The following GPR39 variants were observed in gnomAD, a reference collection of about 807,000 sequenced individuals.
GPR39 encodes the protein G protein-coupled receptor 39.
Under a neutral mutation model 18.4 loss-of-function variants are expected in GPR39, and 23 were observed. The ratio of observed to expected loss-of-function variants is 1.25; its 90% confidence interval spans 0.90 to 1.77. GPR39 has a LOEUF of 1.77. GPR39 is among the 40% of genes most tolerant of loss of function. The probability of loss-of-function intolerance (pLI) is 0.00; values close to 1 mark genes in which losing one functional copy is unlikely to be tolerated. For synonymous variants in GPR39, 280 were observed against 257.9 expected (o/e 1.09, Z -0.82); for missense variants, 647 against 602.4 (o/e 1.07, Z -0.78).
intron 1 of GPR39, among the ~76,000 whole-genome samples, chr2:132,559,685 C>T (rs1680213123): frequency 6.6e-6 from 1 of 151,918 alleles, no homozygotes; most frequent in Non-Finnish European, 1.5e-5. Flanking sequence ...GGCCAGTGTT[C>T]CAAGCAGAGT....
chr2:132,529,387 C>T (rs1301399859), intron 1 of GPR39, among the ~76,000 whole-genome samples: 2 of 152,230 alleles, frequency 1.3e-5, no homozygotes, highest in Non-Finnish European at 2.9e-5. Context: ...CACCACAGCT[C>T]AAGGAGGCCT....
intron 1 of GPR39, among the ~76,000 whole-genome samples, chr2:132,453,029 A>G (rs1680657961): frequency 6.6e-6 from 1 of 152,160 alleles, no homozygotes; most frequent in Non-Finnish European, 1.5e-5. Flanking sequence ...TGGTAATTCT[A>G]GTTCTACATC....
In GPR39 at chr2:132,645,669, A is replaced by C. The variant is rs986459218; in HGVS notation, c.*63A>C. 16 of 1,549,936 alleles carry C rather than the reference A, an allele frequency of 1.0e-5. No individual in the cohort carries two copies. The highest frequency in any genetic ancestry group is 1.4e-5 in the African/African-American group (1 of 72,720). On this transcript the variant is annotated 3_prime_UTR_variant, in exon 2 of 2. Transcript: ENST00000329321. Reference sequence around the variant, plus strand: ...CCAGCCCTAAGAAAACGTCACTCTCACTCTGCAGTCTCAAACTATGCCCCC... The same window carrying C: ...CCAGCCCTAAGAAAACGTCACTCTCCCTCTGCAGTCTCAAACTATGCCCCC...
Position 132,473,801 on chromosome 2 carries a change from G to A in GPR39, c.856+55903G>A, listed in dbSNP as rs114191509. On this transcript the variant is annotated intron_variant, in intron 1 of 1. Transcript: ENST00000329321. ...TGCCTCTTTCAGATTTTTGGTTGTGGCACTAATCTCTTCAGTTGTTACAGG... is the reference window on the plus strand; with the variant it reads ...TGCCTCTTTCAGATTTTTGGTTGTGACACTAATCTCTTCAGTTGTTACAGG... 4.9e-3 allele frequency among the ~76,000 whole-genome samples: 739 copies of A among 152,244 alleles called. 5 individuals carry two copies. Among genetic ancestry groups the A allele is most frequent in the African/African-American group, 0.016 (672 of 41,550 alleles).
chr2:132,576,439 G>C (rs1680527880), intron 1 of GPR39, among the ~76,000 whole-genome samples: 1 of 152,100 alleles, frequency 6.6e-6, no homozygotes, highest in South Asian at 2.1e-4. Flanking sequence ...GATCACTTGA[G>C]CCCAGGAATT....
At chr2:132,620,400 G>T (rs923294648) in intron 1 of GPR39, among the ~76,000 whole-genome samples, 1 of 152,132 alleles carries the variant, frequency 6.6e-6, no homozygotes, top group African/African-American at 2.4e-5. Context: ...GACATTCTGA[G>T]GAGGGGGACT....
In GPR39 at chr2:132,646,081, C is replaced by T; in HGVS notation, c.*475C>T. On this transcript the variant is annotated 3_prime_UTR_variant, in exon 2 of 2. Transcript: ENST00000329321. ...CCGAGAAGAGGGCTAATTTGAGGAA[C>T]AGGATGGTGGTGCGGAGCCCTGGCC... 6.3e-7 allele frequency: 1 copy of T among 1,598,254 alleles called. No individual in the cohort carries two copies.
chr2:132,527,550 C>G (rs926077583), intron 1 of GPR39, among the ~76,000 whole-genome samples: 5 of 152,196 alleles, frequency 3.3e-5, no homozygotes. Flanking sequence ...AATTTACATT[C>G]CTACCAACAG....
intron 1 of GPR39, among the ~76,000 whole-genome samples, chr2:132,591,022 C>T (rs980642727): frequency 6.6e-6 from 1 of 151,234 alleles, no homozygotes. Context: ...GAGGCCGAGG[C>T]GGGTGGATCA....
At chr2:132,427,972 A>AAT (rs1295383031) in intron 1 of GPR39, among the ~76,000 whole-genome samples, 5 of 146,748 alleles carry the variant, frequency 3.4e-5, no homozygotes, top group East Asian at 2.0e-4. Context: ...TTTATATTTA[A>AAT]ATATATATAT....
intron 1 of GPR39, among the ~76,000 whole-genome samples, chr2:132,535,195 A>G (rs946306332): frequency 4.3e-4 from 65 of 152,032 alleles, no homozygotes; most frequent in African/African-American, 1.5e-3. Context: ...GATATCAGCT[A>G]TGGGTATGTC....
chr2:132,490,646 G>A (rs548982277), intron 1 of GPR39, among the ~76,000 whole-genome samples: 1 of 152,030 alleles, frequency 6.6e-6, no homozygotes, highest in South Asian at 2.1e-4. Flanking sequence ...GAGGCAGGAG[G>A]GGGAGGATGA....
Position 132,547,796 on chromosome 2 carries a change from C to T in GPR39, c.857-97305C>T, listed in dbSNP as rs548578354. 2.6e-5 allele frequency among the ~76,000 whole-genome samples: 4 copies of T among 152,298 alleles called. No homozygotes were observed. The East Asian group carries it at 5.8e-4, about 22-fold the overall frequency. ...CAAAAATATAAATAAAGATAAAAGT[C>T]TCAAAGAAGTATCAGATTTTCCTGA... is the stretch of plus-strand genomic sequence containing the variant. On this transcript the variant is annotated intron_variant, in intron 1 of 1. Transcript: ENST00000329321.
chr2:132,495,795 TCTTCTCACCCCCTCTCTTCTCTTCCC>T lies in GPR39; in HGVS notation c.856+77909_856+77934del, dbSNP rs1333232722. On this transcript the variant is annotated intron_variant, in intron 1 of 1. Transcript: ENST00000329321. ...TCTCCTTTCCTCTCTTTCATCCCTC[TCTTCTCACCCCCTCTCTTCTCTTCCC>T]CTTCTCACCCCTCCCCTTTTATCAT... 2.0e-5 allele frequency among the ~76,000 whole-genome samples: 3 copies of T among 151,996 alleles called. No individual in the cohort carries two copies. The East Asian group carries it at 5.8e-4, about 29-fold the overall frequency.
chr2:132,550,553 T>A lies in GPR39; in HGVS notation c.857-94548T>A, dbSNP rs551049728. ...TTCAAGCTTATCCAAGGCTTTAGAA[T>A]GTCAACTGTAGTGGCTGGAAAGCAG... On this transcript the variant is annotated intron_variant, in intron 1 of 1. Coordinates refer to ENST00000329321, the MANE Select transcript of GPR39 (RefSeq NM_001508.3). Among the ~76,000 whole-genome samples the A allele has an allele frequency of 7.9e-5, 12 of 152,352 alleles. No individual in the cohort carries two copies. The South Asian group carries it at 2.5e-3, about 32-fold the overall frequency.
intron 1 of GPR39, among the ~76,000 whole-genome samples, chr2:132,494,418 A>C (rs1681599113): frequency 6.6e-6 from 1 of 152,076 alleles, no homozygotes; most frequent in African/African-American, 2.4e-5. Context: ...CTGTTTTCTC[A>C]TCATTCAGTA....
chr2:132,519,972 T>C (rs1200293739), intron 1 of GPR39, among the ~76,000 whole-genome samples: 2 of 152,178 alleles, frequency 1.3e-5, no homozygotes, highest in Non-Finnish European at 2.9e-5. Flanking sequence ...TAGCTCCCCA[T>C]TGCCCTTGGA....
At chr2:132,485,746 AC>A (rs535453070) in intron 1 of GPR39, among the ~76,000 whole-genome samples, 150 of 152,238 alleles carry the variant, frequency 9.9e-4, no homozygotes, top group African/African-American at 3.4e-3. Context: ...TACTATTTCC[AC>A]CATATATGCT....
intron 1 of GPR39, among the ~76,000 whole-genome samples, chr2:132,632,091 T>C (rs906581049): frequency 6.6e-6 from 1 of 152,108 alleles, no homozygotes; most frequent in African/African-American, 2.4e-5. Flanking sequence ...GTGCTGGGAT[T>C]ATAGGTGTGA....
Sources: allele counts gnomAD v4.1 joint callset (sites outside exome capture counted in the v4.1 genomes callset), GRCh38; gene constraint gnomAD v4.1.1; transcripts MANE v1.5; gene names NCBI Gene and HGNC (gene_info 2026-07-23, HGNC 2026-07-21).